Variants in GPC6 observed in about 807,000 individuals in gnomAD.
GPC6 encodes the protein glypican-6.
Under a neutral mutation model 55.2 loss-of-function variants are expected in GPC6, and 14 were observed. That is an observed-to-expected ratio of 0.25 (90% confidence interval 0.17 to 0.40). The LOEUF (loss-of-function observed/expected upper bound fraction) is 0.40. Among genes scored for constraint, GPC6 ranks in the 10% least tolerant of loss-of-function variants. The pLI is 1.00. For missense variants in GPC6, 641 were observed against 708.5 expected (o/e 0.90, Z 1.08); for synonymous variants, 278 against 259.6 (o/e 1.07, Z -0.68).
chr13:93,547,054 G>C (rs1874827942), intron 2 of GPC6, among the ~76,000 whole-genome samples: 1 of 152,092 alleles, frequency 6.6e-6, no homozygotes, highest in Admixed American at 6.6e-5. Context: ...GAGCCGGCCA[G>C]GCATGGTGGC....
At chr13:93,324,748 TG>T (rs1374208416) in intron 1 of GPC6, among the ~76,000 whole-genome samples, 1 of 151,840 alleles carries the variant, frequency 6.6e-6, no homozygotes, top group Non-Finnish European at 1.5e-5. Flanking sequence ...CTGTCTCATA[TG>T]GGGGGTTGGG....
chr13:93,657,250 A>G (rs1880714444), intron 2 of GPC6, among the ~76,000 whole-genome samples: 1 of 152,016 alleles, frequency 6.6e-6, no homozygotes, highest in African/African-American at 2.4e-5. Context: ...TCAAAAAATA[A>G]ACATATAGAC....
At chr13:93,797,344 C>G (rs572311724) in intron 2 of GPC6, among the ~76,000 whole-genome samples, 2 of 152,190 alleles carry the variant, frequency 1.3e-5, no homozygotes, top group African/African-American at 4.8e-5. Flanking sequence ...TTAGACAAAG[C>G]TAAGGCAAGA....
chr13:93,596,629 A>C (rs1251460418), intron 2 of GPC6, among the ~76,000 whole-genome samples: 1 of 147,576 alleles, frequency 6.8e-6, no homozygotes, highest in Non-Finnish European at 1.5e-5. Flanking sequence ...ATATATATAT[A>C]TATATAATGT....
chr13:94,265,440 T>G (rs1891773586), intron 4 of GPC6, among the ~76,000 whole-genome samples: 1 of 152,192 alleles, frequency 6.6e-6, no homozygotes, highest in Non-Finnish European at 1.5e-5. Context: ...TTCTGACTGC[T>G]TTTATTCTAG....
At chr13:93,550,060 G>A (rs1048361603) in intron 2 of GPC6, among the ~76,000 whole-genome samples, 1 of 152,124 alleles carries the variant, frequency 6.6e-6, no homozygotes, top group Non-Finnish European at 1.5e-5. Context: ...TTTGAGAAAG[G>A]CAGGAACAGT....
intron 1 of GPC6, among the ~76,000 whole-genome samples, chr13:93,314,918 T>A (rs1333271585): frequency 2.0e-5 from 3 of 152,154 alleles, no homozygotes; most frequent in African/African-American, 7.2e-5. Flanking sequence ...TGTTTGTTTT[T>A]TGGTAACTCA....
intron 1 of GPC6, among the ~76,000 whole-genome samples, chr13:93,481,613 AT>A (rs918981189): frequency 1.5e-4 from 21 of 142,926 alleles, no homozygotes; most frequent in African/African-American, 5.0e-4. Flanking sequence ...ATTTTTGTAT[AT>A]TTTGTGAAGT....
chr13:93,823,498 C>T (rs1416176267), intron 2 of GPC6, among the ~76,000 whole-genome samples: 1 of 151,954 alleles, frequency 6.6e-6, no homozygotes, highest in African/African-American at 2.4e-5. Context: ...GTAAGTAAAG[C>T]CTGTAATAAA....
chr13:93,227,174 C>G lies in GPC6; in HGVS notation c.-283C>G. 3.0e-6 allele frequency: 1 copy of G among 329,660 alleles called. No homozygotes were observed. Among genetic ancestry groups the G allele is most frequent in the Admixed American group, 4.7e-5 (1 of 21,340 alleles). 20.4% of individuals were successfully genotyped at this position (329,660 alleles called of 1,614,324 possible). ...TTTTTTAAACACTTCTTTTCCTTCT[C>G]TTCCTCGTTTTGATTGCACCGTTTC... On this transcript the variant is annotated 5_prime_UTR_variant, in exon 1 of 9. Transcript: ENST00000377047. The surrounding 1 kb of genome is among the most constrained non-coding windows in gnomAD (Gnocchi z 4.3).
chr13:94,181,786 A>AT (rs1566510787), intron 4 of GPC6, among the ~76,000 whole-genome samples: 1 of 152,332 alleles, frequency 6.6e-6, no homozygotes, highest in African/African-American at 2.4e-5. Flanking sequence ...CATCTGCCAC[A>AT]TTTTTGACAT....
intron 2 of GPC6, among the ~76,000 whole-genome samples, chr13:93,619,022 G>A (rs1172678506): frequency 6.6e-6 from 1 of 152,084 alleles, no homozygotes; most frequent in Non-Finnish European, 1.5e-5. Flanking sequence ...GTAGGCAACT[G>A]TAATACTGTG....
rs1309128098 is a variant in GPC6, at chr13:94,332,874, A to T, written c.1152+26751A>T. Among the ~76,000 whole-genome samples, 5 of 152,218 alleles carry T rather than the reference A, an allele frequency of 3.3e-5. No individual in the cohort carries two copies. In the East Asian group the frequency reaches 9.6e-4, roughly 29 times the overall value. On this transcript the variant is annotated intron_variant, in intron 6 of 8. Transcript: ENST00000377047. ...GAGGATCTCTGTTTACAAGAAAGAC[A>T]CTTTTCTCTTTGGCCACTGCCTGTG...
At position 93,313,227 on chromosome 13, in the gene GPC6, CCAAA is replaced by C. The variant is rs530806252; in HGVS notation, c.160+85619_160+85622del. On this transcript the variant is annotated intron_variant, in intron 1 of 8. Transcript: ENST00000377047. ...TCAGAATAAAAACAACTCAAACCAA[CCAAA>C]CAAACAACAACTAAGAACTAATAAA... Among the ~76,000 whole-genome samples the C allele has an allele frequency of 3.9e-3, 599 of 152,210 alleles. 5 individuals carry two copies. The highest frequency in any genetic ancestry group is 0.013 in the African/African-American group (559 of 41,542).
chr13:94,111,473 TATAATAATAATAATAATAATA>T (rs149246452), intron 4 of GPC6, among the ~76,000 whole-genome samples: 1 of 144,440 alleles, frequency 6.9e-6, no homozygotes, highest in African/African-American at 2.5e-5. Flanking sequence ...TTAAAGTAAA[TATAATAATAATAATAATAATA>T]ATAATAATAA....
chr13:93,768,567 A>G (rs772143669), intron 2 of GPC6, among the ~76,000 whole-genome samples: 6 of 152,152 alleles, frequency 3.9e-5, no homozygotes, highest in Non-Finnish European at 8.8e-5. Flanking sequence ...TGAATGAGAC[A>G]CCTTCTCTGT....
At chr13:93,987,227 C>T (rs1037108049) in intron 3 of GPC6, among the ~76,000 whole-genome samples, 1 of 152,158 alleles carries the variant, frequency 6.6e-6, no homozygotes, top group South Asian at 2.1e-4. Flanking sequence ...CTAAACAACT[C>T]GTTGGACCAG....
chr13:93,783,213 T>G lies in GPC6; in HGVS notation c.320-46941T>G, dbSNP rs142208701. ...TACACACATTTTTATTTTTATCCAA[T>G]CTATCATTGATGGGCATTTGGGCTG... is the stretch of plus-strand genomic sequence containing the variant. On this transcript the variant is annotated intron_variant, in intron 2 of 8. Transcript: ENST00000377047. 2.8e-3 allele frequency among the ~76,000 whole-genome samples: 426 copies of G among 152,332 alleles called. 3 individuals are homozygous for G. Among genetic ancestry groups the G allele is most frequent in the African/African-American group, 9.2e-3 (383 of 41,576 alleles).
rs551436271 is a variant in GPC6, at chr13:93,363,497, G to A, written c.160+135881G>A. 3.3e-5 allele frequency among the ~76,000 whole-genome samples: 5 copies of A among 151,994 alleles called. No individual in the cohort carries two copies. The East Asian group carries it at 9.7e-4, about 29-fold the overall frequency. On this transcript the variant is annotated intron_variant, in intron 1 of 8. Transcript: ENST00000377047. The stretch of plus-strand genomic sequence containing the variant: ...TTTTATGGCTGCATAGTATTCCATG[G>A]TGTATATGTGCCACATTTTCTTAAT...
Sources: allele counts gnomAD v4.1 joint callset (sites outside exome capture counted in the v4.1 genomes callset), GRCh38; gene constraint gnomAD v4.1.1; non-coding constraint Gnocchi (gnomAD v3.1); transcripts MANE v1.5; gene names NCBI Gene and HGNC (gene_info 2026-07-23, HGNC 2026-07-21).